The following C7 variants were observed in gnomAD, a reference collection of about 807,000 sequenced individuals.
C7 encodes the protein complement component C7.
C7 carries 83 observed loss-of-function variants against 104.8 expected under a neutral mutation model. That is an observed-to-expected ratio of 0.79 (90% CI 0.66 to 0.95). The LOEUF (loss-of-function observed/expected upper bound fraction) is 0.95. Ranked by LOEUF, C7 falls within the 40% of genes least tolerant of loss-of-function variation. The pLI, the probability that C7 is intolerant of heterozygous loss-of-function variation, is 0.00. For missense variants in C7, 1,070 were observed against 1,011.2 expected (o/e 1.06, Z -0.79); for synonymous variants, 415 against 360.6 (o/e 1.15, Z -1.71).
intron 6 of C7, among the ~76,000 whole-genome samples, chr5:40,938,502 A>G (rs927245374): frequency 3.9e-5 from 6 of 152,122 alleles, no homozygotes; most frequent in Non-Finnish European, 8.8e-5. Context: ...TGAGTCCCAT[A>G]CAAATGAACT....
chr5:40,940,389 G>C (rs1739910721), intron 6 of C7, among the ~76,000 whole-genome samples: 1 of 152,162 alleles, frequency 6.6e-6, no homozygotes, highest in South Asian at 2.1e-4. Context: ...CAGCCTGAGA[G>C]ATAGCAGAGG....
At chr5:40,960,747 T>A (rs1313132049) in intron 12 of C7, among the ~76,000 whole-genome samples, 1 of 152,166 alleles carries the variant, frequency 6.6e-6, no homozygotes, top group Non-Finnish European at 1.5e-5. Context: ...GGAACTCAGA[T>A]GAGAAGGAGG....
chr5:40,909,974 A>ATTT (rs1259880340), intron 1 of C7, among the ~76,000 whole-genome samples: 3,400 of 124,500 alleles, frequency 0.027, 147 homozygotes, highest in African/African-American at 0.094. Context: ...CCTCTGGTGT[A>ATTT]TTTTTTTTTT....
intron 13 of C7, among the ~76,000 whole-genome samples, chr5:40,962,409 A>C (rs1449539594): frequency 6.6e-6 from 1 of 152,172 alleles, no homozygotes; most frequent in East Asian, 1.9e-4. Context: ...ACTGCCACCC[A>C]GTGAATCAAA....
At chr5:40,981,346 C>T (rs998961723) in intron 17 of C7, 46 bp from the exon 18 acceptor site, 26 of 1,557,150 alleles carry the variant, frequency 1.7e-5, no homozygotes, top group South Asian at 1.1e-4. Flanking sequence ...TTTGACTCCC[C>T]GACCTCCACA....
intron 9 of C7, among the ~76,000 whole-genome samples, chr5:40,952,511 AT>A (rs1222814649): frequency 9.4e-6 from 1 of 106,418 alleles, no homozygotes; most frequent in African/African-American, 3.3e-5. Flanking sequence ...TATTTTTATT[AT>A]ACTTTAAGTT....
At chr5:40,970,442 A>T (rs1440201775) in intron 14 of C7, among the ~76,000 whole-genome samples, 1 of 152,208 alleles carries the variant, frequency 6.6e-6, no homozygotes, top group East Asian at 1.9e-4. Context: ...TGAGTAAGAA[A>T]GAATACAGAT....
chr5:40,936,398 C>T lies in C7; in HGVS notation c.341C>T (p.Ala114Val), dbSNP rs1347801716. The change falls in exon 5 of 18, where the codon GCT becomes GTT. Residue 114 changes from alanine to valine, a missense_variant. Physicochemically the swap from Ala to Val is moderately conservative, Grantham distance 64. Coordinates refer to ENST00000313164, the MANE Select transcript of C7 (RefSeq NM_000587.4). Reference protein sequence around the residue: ...NGDSDCDEDSADEDRCEDSER... With the variant: ...NGDSDCDEDSVDEDRCEDSER... ...GATTCTGACTGTGATGAAGACAGTG[C>T]TGATGAAGACAGATGTGAGGACTCA... 35 of 1,612,972 alleles carry T rather than the reference C, an allele frequency of 2.2e-5. No individual in the cohort carries two copies. Among genetic ancestry groups the T allele is most frequent in the Non-Finnish European group, 3.0e-5 (35 of 1,179,228 alleles).
At chr5:40,926,761 A>G (rs1739562521) in intron 1 of C7, among the ~76,000 whole-genome samples, 1 of 152,198 alleles carries the variant, frequency 6.6e-6, no homozygotes, top group South Asian at 2.1e-4. Context: ...GAAGACATAA[A>G]CAAATGGAAA....
intron 11 of C7, among the ~76,000 whole-genome samples, 175 bp from the exon 12 acceptor site, chr5:40,959,274 T>A (rs926452396): frequency 2.0e-5 from 3 of 152,306 alleles, no homozygotes. Flanking sequence ...ATATGGACAT[T>A]CCTAGTCTGT....
chr5:40,952,081 C>T (rs928817506), intron 9 of C7, among the ~76,000 whole-genome samples: 1 of 152,198 alleles, frequency 6.6e-6, no homozygotes, highest in African/African-American at 2.4e-5. Flanking sequence ...ATGTTGACAT[C>T]AGTCTTCAGT....
At chr5:40,956,097 A>G (rs1276823834) in intron 10 of C7, among the ~76,000 whole-genome samples, 3 of 152,076 alleles carry the variant, frequency 2.0e-5, no homozygotes, top group Non-Finnish European at 4.4e-5. Flanking sequence ...GGGCTTAAGG[A>G]AAAAAAATCA....
intron 7 of C7, among the ~76,000 whole-genome samples, chr5:40,946,546 A>G (rs2455312): frequency 0.52 from 78,649 of 152,060 alleles, 22,475 homozygotes; most frequent in African/African-American, 0.79. Flanking sequence ...TGTCTTGGAC[A>G]TCATTAAAAG....
intron 9 of C7, among the ~76,000 whole-genome samples, chr5:40,953,030 G>C (rs901827543): frequency 1.1e-4 from 17 of 151,980 alleles, no homozygotes; most frequent in African/African-American, 4.1e-4. Flanking sequence ...GGTCTTGGTG[G>C]GGACTAAGAA....
At chr5:40,948,129 C>T (rs1740091877) in intron 8 of C7, among the ~76,000 whole-genome samples, 1 of 152,030 alleles carries the variant, frequency 6.6e-6, no homozygotes. Flanking sequence ...TTAAACTTTC[C>T]ACTTTCTCAA....
At chr5:40,952,007 G>T (rs576283263) in intron 9 of C7, among the ~76,000 whole-genome samples, 1 of 152,330 alleles carries the variant, frequency 6.6e-6, no homozygotes, top group South Asian at 2.1e-4. Context: ...AGGAGGAAAA[G>T]TTTTTGAATG....
At chr5:40,932,249 G>C (rs1739701844) in intron 3 of C7, among the ~76,000 whole-genome samples, 1 of 152,050 alleles carries the variant, frequency 6.6e-6, no homozygotes, top group Non-Finnish European at 1.5e-5. Flanking sequence ...TATGTTCCAT[G>C]ATATGAATAT....
chr5:40,946,044 A>T (rs1393099845), intron 7 of C7, among the ~76,000 whole-genome samples: 2 of 151,614 alleles, frequency 1.3e-5, no homozygotes, highest in Non-Finnish European at 1.5e-5. Context: ...ATTACTGGTG[A>T]TACTATTTTA....
chr5:40,931,851 C>T (rs544113468), intron 3 of C7, among the ~76,000 whole-genome samples: 3 of 152,150 alleles, frequency 2.0e-5, no homozygotes, highest in Non-Finnish European at 4.4e-5. Context: ...CTCCGCCTCC[C>T]GGGTTCAAGT....
Sources: gnomAD v4.1 joint callset for allele counts (sites outside exome capture counted in the v4.1 genomes callset) on GRCh38, gnomAD v4.1.1 for gene constraint, MANE v1.5 for transcripts, NCBI Gene and HGNC (gene_info 2026-07-23, HGNC 2026-07-21) for gene names.